The following KSR1 variants were observed in gnomAD, a reference collection of about 807,000 sequenced individuals.
The protein encoded by KSR1 is kinase suppressor of ras 1.
In KSR1, 35 loss-of-function variants were observed where a neutral mutation model predicts 92.9. That is an observed-to-expected ratio of 0.38 (90% CI 0.29 to 0.50). The LOEUF (loss-of-function observed/expected upper bound fraction) is 0.50, where lower values mean the gene tolerates loss of function less well. KSR1 is among the 20% of genes least tolerant of loss of function. The pLI is 0.94. For synonymous variants in KSR1, 467 were observed against 472.6 expected, an observed-to-expected ratio of 0.99 and a Z score of 0.15; for missense variants, 972 against 1,158.5, an observed-to-expected ratio of 0.84 and a Z score of 2.34.
intron 19 of KSR1, chr17:27,620,920 G>A (rs892535423): frequency 6.6e-5 from 21 of 319,044 alleles, no homozygotes; most frequent in Admixed American, 3.5e-4. Flanking sequence ...GAAAGCATGC[G>A]GGCTTTCCTT....
At chr17:27,621,919 C>A in intron 20 of KSR1, 1 of 1,613,688 alleles carries the variant, frequency 6.2e-7, no homozygotes, top group South Asian at 1.1e-5. Flanking sequence ...TCTTCTCTTT[C>A]CCTCTGTAGG....
chr17:27,619,678 T>C (rs2074165207), intron 19 of KSR1, among the ~76,000 whole-genome samples: 1 of 151,992 alleles, frequency 6.6e-6, no homozygotes, highest in South Asian at 2.1e-4. Context: ...ATTACAGTCG[T>C]GAGCCACTGC....
intron 1 of KSR1, among the ~76,000 whole-genome samples, chr17:27,542,103 T>A (rs999141856): frequency 2.6e-5 from 4 of 152,214 alleles, no homozygotes; most frequent in Non-Finnish European, 5.9e-5. Context: ...TGGGTTTGTG[T>A]GTGAAGATTG....
intron 1 of KSR1, among the ~76,000 whole-genome samples, chr17:27,504,099 C>T (rs1017101060): frequency 2.0e-5 from 3 of 152,114 alleles, no homozygotes; most frequent in Admixed American, 6.5e-5. Flanking sequence ...TGTGCTTGGC[C>T]CCGTGGGAAG....
intron 1 of KSR1, among the ~76,000 whole-genome samples, chr17:27,482,849 G>A (rs1343938140): frequency 6.6e-6 from 1 of 152,178 alleles, no homozygotes. Flanking sequence ...TCCACCATCA[G>A]TGGATAGTGG....
intron 2 of KSR1, among the ~76,000 whole-genome samples, chr17:27,570,485 C>T (rs1215208340): frequency 1.3e-5 from 2 of 152,184 alleles, no homozygotes; most frequent in African/African-American, 2.4e-5. Context: ...TCCCCTTTGA[C>T]CTCTATTCCT....
At chr17:27,604,650 G>A in intron 12 of KSR1, 30 bp from the exon 13 acceptor site, 2 of 1,611,780 alleles carry the variant, frequency 1.2e-6, no homozygotes, top group South Asian at 2.2e-5. Flanking sequence ...GTTCCTCAAG[G>A]TCTCCTTGAC....
In KSR1 at chr17:27,569,511, G is replaced by T. The variant is rs569488431; in HGVS notation, c.373-7981G>T. On this transcript the variant is annotated intron_variant, in intron 2 of 20. Coordinates refer to ENST00000644974, the MANE Select transcript of KSR1 (RefSeq NM_001394583.1). ...CAACAGCATTGCTATGTGTTTGGGG[G>T]TTGCCAAACTCTGGCCCTTGGGCCA... Among the ~76,000 whole-genome samples, 19 of 152,256 alleles carry T rather than the reference G, an allele frequency of 1.2e-4. 1 individual carries two copies. The highest frequency in any genetic ancestry group is 2.6e-4 in the Admixed American group (4 of 15,286).
At chr17:27,598,508 G>A (rs1226427491) in intron 10 of KSR1, among the ~76,000 whole-genome samples, 3 of 152,182 alleles carry the variant, frequency 2.0e-5, no homozygotes, top group South Asian at 2.1e-4. Flanking sequence ...ACCTCAGCAC[G>A]CACGTGGCTG....
rs988537081 is a variant in KSR1, at chr17:27,623,630, C to T, written c.*238C>T. 3.3e-6 allele frequency: 2 copies of T among 610,716 alleles called. No individual in the cohort carries two copies. The highest frequency in any genetic ancestry group is 1.9e-5 in the African/African-American group (1 of 54,022). 37.8% of individuals were successfully genotyped at this position (610,716 alleles called of 1,614,324 possible). On this transcript the variant is annotated 3_prime_UTR_variant, in exon 21 of 21. Transcript: ENST00000644974. ...TCATGACAGACAGCAAATGTTTACA[C>T]GTATATTTCTCCTGAGTGAACCTGA...
At chr17:27,585,030 G>A (rs968681480) in intron 4 of KSR1, among the ~76,000 whole-genome samples, 12 of 152,136 alleles carry the variant, frequency 7.9e-5, no homozygotes, top group East Asian at 3.9e-4. Flanking sequence ...TCCACCTCCC[G>A]GATTCAAGCG....
chr17:27,552,657 C>G (rs2071436943), intron 2 of KSR1, among the ~76,000 whole-genome samples: 2 of 152,092 alleles, frequency 1.3e-5, no homozygotes, highest in South Asian at 4.2e-4. Flanking sequence ...GGCAAGTGAC[C>G]CAAAGATTTC....
intron 1 of KSR1, among the ~76,000 whole-genome samples, chr17:27,546,758 G>A (rs986770538): frequency 6.6e-6 from 1 of 152,172 alleles, no homozygotes; most frequent in Non-Finnish European, 1.5e-5. Context: ...TCAGAGTGGG[G>A]TAAGCCAGGA....
intron 1 of KSR1, chr17:27,526,556 A>G: frequency 1.2e-6 from 2 of 1,601,328 alleles, no homozygotes; most frequent in African/African-American, 1.3e-5. Flanking sequence ...TTTTGGCCAC[A>G]ATGCACCTCA....
At position 27,526,664 on chromosome 17, in the gene KSR1, A is replaced by G. The variant is rs1224943547; in HGVS notation, c.232-23904A>G. On this transcript the variant is annotated intron_variant, in intron 1 of 20. Coordinates refer to ENST00000644974, the MANE Select transcript of KSR1 (RefSeq NM_001394583.1). Reference sequence around the variant, plus strand: ...AGCACCTTCCTGAGAGATTTTGCTCATGTAGTTTTTATTGGCTGTTATTCT... The same window carrying G: ...AGCACCTTCCTGAGAGATTTTGCTCGTGTAGTTTTTATTGGCTGTTATTCT... The G allele has an allele frequency of 1.9e-5, 30 of 1,555,838 alleles. No homozygotes were observed. In the Middle Eastern group the frequency reaches 1.0e-3, roughly 52 times the overall value.
Position 27,550,637 on chromosome 17 carries a change from C to G in KSR1, c.301C>G (p.Pro101Ala). 2.6e-6 allele frequency: 2 copies of G among 764,450 alleles called. No individual in the cohort carries two copies. Among genetic ancestry groups the G allele is most frequent in the South Asian group, 2.7e-5 (2 of 74,580 alleles). The allele number at this position is 764,450 out of a possible 1,614,324, so 47.4% of individuals were successfully genotyped here. A position where few individuals can be genotyped will look rare whatever the true frequency, so the allele number is the denominator to read the frequency against. ...GAGCGTGGCTCCCGGTGAGAGGACCCCAGAGCTCAACAGCTACCCCCGCTT... is the reference window on the plus strand; with the variant it reads ...GAGCGTGGCTCCCGGTGAGAGGACCGCAGAGCTCAACAGCTACCCCCGCTT... ...KLSVAPGERT[P>A]ELNSYPRFSD... The change falls in exon 2 of 21, where the codon CCA becomes GCA. Residue 101 changes from proline to alanine, a missense_variant. Pro to Ala is a conservative substitution (Grantham distance 27, BLOSUM62 -1). This residue lies in a region of KSR1 where 611 missense variants were observed against 668.0 expected (regional missense o/e 0.91). Transcript: ENST00000644974.
intron 1 of KSR1, among the ~76,000 whole-genome samples, chr17:27,523,209 A>G (rs547827867): frequency 1.3e-5 from 2 of 152,388 alleles, no homozygotes; most frequent in South Asian, 2.1e-4. Flanking sequence ...ATGAAAAACT[A>G]GAAGGAAACT....
intron 1 of KSR1, among the ~76,000 whole-genome samples, chr17:27,544,764 C>T (rs1057079980): frequency 5.9e-5 from 9 of 152,202 alleles, no homozygotes; most frequent in Non-Finnish European, 1.0e-4. Context: ...GAGAAAATGA[C>T]GCTACCAATG....
chr17:27,579,196 C>A (rs1437257453), intron 3 of KSR1: 1 of 152,400 alleles, frequency 6.6e-6, no homozygotes, highest in African/African-American at 2.4e-5. Context: ...CTGCTGGGAT[C>A]CGCTGGGTAC....
Sources: gnomAD v4.1 joint callset for allele counts (sites outside exome capture counted in the v4.1 genomes callset) on GRCh38, gnomAD v4.1.1 for gene constraint, gnomAD v4.1.1 regional missense constraint, MANE v1.5 for transcripts, NCBI Gene and HGNC (gene_info 2026-07-23, HGNC 2026-07-21) for gene names.